The following DPYD variants were observed in gnomAD, a reference collection of about 807,000 sequenced individuals.
DPYD encodes dihydropyrimidine dehydrogenase [NADP(+)].
In DPYD, 109 loss-of-function variants were observed where a neutral mutation model predicts 116.2. The ratio of observed to expected loss-of-function variants is 0.94; its 90% CI spans 0.80 to 1.10. The LOEUF (loss-of-function observed/expected upper bound fraction) is 1.10. DPYD is among the 50% of genes least tolerant of loss of function. The pLI, the probability that DPYD is intolerant of heterozygous loss-of-function variation, is 0.00. For synonymous variants in DPYD, 440 were observed against 432.0 expected, an observed-to-expected ratio of 1.02 and a Z score of -0.23; for missense variants, 1,302 against 1,254.5, an observed-to-expected ratio of 1.04 and a Z score of -0.57.
At chr1:97,888,879 C>T (rs1220678806) in intron 1 of DPYD, among the ~76,000 whole-genome samples, 1 of 152,032 alleles carries the variant, frequency 6.6e-6, no homozygotes, top group Non-Finnish European at 1.5e-5. Context: ...AGTTCTTGGC[C>T]AGGCATGATG....
intron 5 of DPYD, among the ~76,000 whole-genome samples, chr1:97,705,169 A>G (rs1375164706): frequency 1.3e-5 from 2 of 151,570 alleles, no homozygotes; most frequent in African/African-American, 4.9e-5. Flanking sequence ...TTTAAGGTAC[A>G]TGTGCACAAC....
At chr1:97,357,845 C>A (rs906519813) in intron 16 of DPYD, among the ~76,000 whole-genome samples, 1 of 152,050 alleles carries the variant, frequency 6.6e-6, no homozygotes, top group Admixed American at 6.6e-5. Flanking sequence ...CTGAGATGGC[C>A]GAATAGGAAC....
At chr1:97,453,132 G>A (rs1228195490) in intron 13 of DPYD, among the ~76,000 whole-genome samples, 1 of 151,974 alleles carries the variant, frequency 6.6e-6, no homozygotes, top group South Asian at 2.1e-4. Context: ...GCCTTCTCAC[G>A]CAGCCTACTG....
chr1:97,700,717 AC>A (rs1252540559), intron 5 of DPYD, among the ~76,000 whole-genome samples: 1 of 152,108 alleles, frequency 6.6e-6, no homozygotes, highest in Non-Finnish European at 1.5e-5. Flanking sequence ...TGAAAGAGAT[AC>A]ATACATAATC....
chr1:97,619,500 C>G (rs2100766991), intron 8 of DPYD, among the ~76,000 whole-genome samples: 1 of 152,206 alleles, frequency 6.6e-6, no homozygotes, highest in African/African-American at 2.4e-5. Context: ...ATATGAGAAT[C>G]CTGAAGGAAT....
At chr1:97,744,111 T>TGCTC (rs1378453635) in intron 3 of DPYD, among the ~76,000 whole-genome samples, 1 of 152,004 alleles carries the variant, frequency 6.6e-6, no homozygotes, top group African/African-American at 2.4e-5. Flanking sequence ...TAATTTGACA[T>TGCTC]GAACATAAAA....
intron 8 of DPYD, among the ~76,000 whole-genome samples, chr1:97,651,858 CA>C (rs1013137171): frequency 5.3e-5 from 8 of 152,146 alleles, no homozygotes; most frequent in African/African-American, 1.9e-4. Context: ...TCTAACACAT[CA>C]AATTGCTAGA....
intron 18 of DPYD, among the ~76,000 whole-genome samples, chr1:97,257,583 G>GTA (rs1445086482): frequency 2.0e-5 from 3 of 151,220 alleles, no homozygotes; most frequent in Admixed American, 2.0e-4. Context: ...ATGTATATGT[G>GTA]TATATATATG....
intron 3 of DPYD, among the ~76,000 whole-genome samples, chr1:97,751,197 C>CA (rs1373683148): frequency 1.3e-5 from 2 of 151,068 alleles, no homozygotes. Context: ...TCTGTGCTGG[C>CA]AAAAGGGAGG....
chr1:97,424,955 AT>A (rs1442499001), intron 14 of DPYD, among the ~76,000 whole-genome samples: 2 of 152,096 alleles, frequency 1.3e-5, no homozygotes, highest in African/African-American at 2.4e-5. Context: ...AGATCTGAAA[AT>A]TTTTTTGTGT....
At chr1:97,628,635 T>C (rs767731826) in intron 8 of DPYD, among the ~76,000 whole-genome samples, 8 of 152,034 alleles carry the variant, frequency 5.3e-5, no homozygotes, top group Admixed American at 5.3e-4. Flanking sequence ...TTAATTTTTA[T>C]GAGAAGGGTC....
chr1:97,602,171 A>T (rs1219988007), intron 8 of DPYD, among the ~76,000 whole-genome samples: 1 of 152,032 alleles, frequency 6.6e-6, no homozygotes, highest in Non-Finnish European at 1.5e-5. Flanking sequence ...AATCTGATAC[A>T]TGCTGAATTT....
intron 18 of DPYD, among the ~76,000 whole-genome samples, chr1:97,276,825 C>T (rs906266635): frequency 6.6e-6 from 1 of 152,050 alleles, no homozygotes; most frequent in East Asian, 1.9e-4. Context: ...TAAAACAGAA[C>T]CAGCATTTAA....
intron 5 of DPYD, among the ~76,000 whole-genome samples, chr1:97,704,001 G>GT (rs1158832287): frequency 6.6e-5 from 10 of 151,964 alleles, no homozygotes; most frequent in African/African-American, 1.9e-4. Flanking sequence ...CTCATTCAAT[G>GT]TTTTTTTAGC....
intron 15 of DPYD, among the ~76,000 whole-genome samples, chr1:97,380,856 A>G (rs1671916152): frequency 1.3e-5 from 2 of 152,180 alleles, no homozygotes; most frequent in African/African-American, 2.4e-5. Context: ...TAAAACCAAA[A>G]CCAAATACTG....
intron 20 of DPYD, among the ~76,000 whole-genome samples, chr1:97,165,291 T>C (rs887764101): frequency 6.6e-6 from 1 of 152,066 alleles, no homozygotes; most frequent in Non-Finnish European, 1.5e-5. Flanking sequence ...TACAACCAAC[T>C]AATCATCAAC....
At chr1:97,871,639 A>T (rs1376758392) in intron 2 of DPYD, among the ~76,000 whole-genome samples, 2 of 151,656 alleles carry the variant, frequency 1.3e-5, no homozygotes, top group Admixed American at 1.3e-4. Context: ...TGCAAATATA[A>T]GACAGTGCTC....
At chr1:97,428,529 T>C (rs1259561331) in intron 14 of DPYD, among the ~76,000 whole-genome samples, 1 of 152,080 alleles carries the variant, frequency 6.6e-6, no homozygotes, top group Non-Finnish European at 1.5e-5. Flanking sequence ...GTAGGTTTTG[T>C]TCCTGGAAGT....
intron 4 of DPYD, among the ~76,000 whole-genome samples, chr1:97,734,577 G>C (rs1663818114): frequency 1.3e-5 from 2 of 151,994 alleles, no homozygotes; most frequent in Admixed American, 1.3e-4. Flanking sequence ...TCCACTCATT[G>C]TTAAATATCT....
Sources: gnomAD v4.1 joint callset for allele counts (sites outside exome capture counted in the v4.1 genomes callset) on GRCh38, gnomAD v4.1.1 for gene constraint, MANE v1.5 for transcripts, NCBI Gene and HGNC (gene_info 2026-07-23, HGNC 2026-07-21) for gene names.